The following RAP1A variants were observed in gnomAD, a reference collection of about 807,000 sequenced individuals.
The protein encoded by RAP1A is RAP1A, member of RAS oncogene family, also known as ras-related protein Rap-1A.
In RAP1A, 6 loss-of-function variants were observed where a neutral mutation model predicts 26.4. That is an observed-to-expected ratio of 0.23 (90% CI 0.12 to 0.45). The LOEUF (loss-of-function observed/expected upper bound fraction) is 0.45. Ranked by LOEUF, RAP1A falls within the 20% of genes least tolerant of loss-of-function variation. RAP1A has a pLI of 0.99. For missense variants in RAP1A, 121 were observed against 217.2 expected, an observed-to-expected ratio of 0.56 and a Z score of 2.78; for synonymous variants, 73 against 79.4, an observed-to-expected ratio of 0.92 and a Z score of 0.43.
At chr1:111,672,546 A>G (rs971945393) in intron 1 of RAP1A, among the ~76,000 whole-genome samples, 1 of 151,262 alleles carries the variant, frequency 6.6e-6, no homozygotes, top group Non-Finnish European at 1.5e-5. Flanking sequence ...AACAGCTGGG[A>G]CTCTGGCAAC....
chr1:111,575,785 A>C (rs1201876075), intron 1 of RAP1A, among the ~76,000 whole-genome samples: 1 of 152,198 alleles, frequency 6.6e-6, no homozygotes, highest in African/African-American at 2.4e-5. Flanking sequence ...GTGGGAAAAT[A>C]AATTTCTGCT....
intron 2 of RAP1A, among the ~76,000 whole-genome samples, chr1:111,691,689 T>C (rs775259437): frequency 6.6e-6 from 1 of 152,240 alleles, no homozygotes; most frequent in Non-Finnish European, 1.5e-5. Context: ...AAGATTGTTC[T>C]CTTTTTAAGG....
intron 1 of RAP1A, among the ~76,000 whole-genome samples, chr1:111,555,192 C>G (rs913572613): frequency 6.6e-6 from 1 of 151,256 alleles, no homozygotes; most frequent in Non-Finnish European, 1.5e-5. Flanking sequence ...GTGACAAGAC[C>G]CTGTCTCTAC....
chr1:111,599,700 C>A (rs1331122018), intron 1 of RAP1A: 1 of 152,178 alleles, frequency 6.6e-6, no homozygotes. Flanking sequence ...AAAGACAGCA[C>A]TTTGGAGATT....
chr1:111,694,893 A>C (rs1032895107), intron 2 of RAP1A, among the ~76,000 whole-genome samples: 1 of 152,128 alleles, frequency 6.6e-6, no homozygotes. Flanking sequence ...TGAGTTCAGG[A>C]GTTCAAGGCC....
At chr1:111,601,822 T>A (rs1306959418) in intron 1 of RAP1A, among the ~76,000 whole-genome samples, 1 of 152,144 alleles carries the variant, frequency 6.6e-6, no homozygotes, top group East Asian at 1.9e-4. Context: ...AAATGACACA[T>A]AAAGCCTAAA....
At chr1:111,560,248 A>G (rs1459467361) in intron 1 of RAP1A, among the ~76,000 whole-genome samples, 1 of 152,142 alleles carries the variant, frequency 6.6e-6, no homozygotes, top group Admixed American at 6.5e-5. Context: ...TTAGAGCTGA[A>G]CTAACAAAGA....
intron 1 of RAP1A, among the ~76,000 whole-genome samples, chr1:111,606,441 C>T (rs892432538): frequency 6.6e-6 from 1 of 152,196 alleles, no homozygotes; most frequent in Non-Finnish European, 1.5e-5. Flanking sequence ...TGTGGAAACA[C>T]TATTTTCATA....
At position 111,704,324 on chromosome 1, in the gene RAP1A, C is replaced by A; in HGVS notation, c.325-19C>A. 6.2e-7 allele frequency: 1 copy of A among 1,610,644 alleles called. No homozygotes were observed. The highest frequency in any genetic ancestry group is 1.1e-5 in the South Asian group (1 of 90,782). On this transcript the variant is annotated intron_variant, in intron 5 of 7. Coordinates refer to ENST00000369709, the MANE Select transcript of RAP1A (RefSeq NM_002884.4). ...AATGAGTATGTTATTGTTCATTTTA[C>A]GTTTTTTTCTTCCCACAGGTTCCAA...
intron 1 of RAP1A, chr1:111,608,632 A>C (rs1658859628): frequency 1.2e-5 from 2 of 168,686 alleles, no homozygotes; most frequent in South Asian, 2.9e-4. Flanking sequence ...AGTGAACCAG[A>C]CTCCGTCTGC....
intron 1 of RAP1A, among the ~76,000 whole-genome samples, chr1:111,601,260 C>G (rs915615660): frequency 9.9e-5 from 15 of 152,134 alleles, no homozygotes; most frequent in African/African-American, 3.6e-4. Flanking sequence ...CAGCCACTCT[C>G]TAATTTCAAC....
intron 4 of RAP1A, among the ~76,000 whole-genome samples, chr1:111,698,868 T>C (rs865820762): frequency 6.6e-6 from 1 of 152,084 alleles, no homozygotes; most frequent in Admixed American, 6.6e-5. Flanking sequence ...TGCTCTCTAA[T>C]GTTTTTAGCT....
chr1:111,631,904 T>TAA (rs55637562), intron 1 of RAP1A, among the ~76,000 whole-genome samples: 301 of 148,524 alleles, frequency 2.0e-3, no homozygotes, highest in Non-Finnish European at 3.6e-3. Flanking sequence ...TTTTTGGCTT[T>TAA]AAAAAAAAAA....
At chr1:111,640,296 TAA>T (rs1035208014) in intron 1 of RAP1A, among the ~76,000 whole-genome samples, 23 of 151,458 alleles carry the variant, frequency 1.5e-4, no homozygotes, top group African/African-American at 5.4e-4. Context: ...GAGACTATTA[TAA>T]GTGATTATAA....
At chr1:111,573,136 A>T (rs998344766) in intron 1 of RAP1A, among the ~76,000 whole-genome samples, 5 of 152,158 alleles carry the variant, frequency 3.3e-5, no homozygotes, top group Non-Finnish European at 7.4e-5. Context: ...CATTTTCTTT[A>T]TCCAGTCTAT....
chr1:111,561,899 C>A (rs529606856), intron 1 of RAP1A, among the ~76,000 whole-genome samples: 7 of 152,200 alleles, frequency 4.6e-5, no homozygotes, highest in African/African-American at 1.4e-4. Flanking sequence ...TTCAACACTC[C>A]TCCCCATCTC....
intron 1 of RAP1A, among the ~76,000 whole-genome samples, chr1:111,654,600 A>G (rs1181258781): frequency 6.6e-6 from 1 of 152,072 alleles, no homozygotes; most frequent in African/African-American, 2.4e-5. Flanking sequence ...AATTGTTTTA[A>G]ATAAATTGAC....
At chr1:111,576,233 C>T (rs1267076692) in intron 1 of RAP1A, among the ~76,000 whole-genome samples, 1 of 152,214 alleles carries the variant, frequency 6.6e-6, no homozygotes, top group Non-Finnish European at 1.5e-5. Flanking sequence ...TACAGGACCA[C>T]ACCAGGCAAC....
chr1:111,616,498 C>T (rs1173053544), upstream of RAP1A, among the ~76,000 whole-genome samples: 1 of 152,194 alleles, frequency 6.6e-6, no homozygotes, highest in Non-Finnish European at 1.5e-5. Flanking sequence ...CTTCCCCATG[C>T]TCAACTTTTG....
Sources: gnomAD v4.1 joint callset for allele counts (sites outside exome capture counted in the v4.1 genomes callset) on GRCh38, gnomAD v4.1.1 for gene constraint, MANE v1.5 for transcripts, NCBI Gene and HGNC (gene_info 2026-07-23, HGNC 2026-07-21) for gene names.